NAALADL2: variants seen among roughly 807,000 people sequenced by gnomAD.
NAALADL2 encodes the protein N-acetylated alpha-linked acidic dipeptidase like 2.
Under a neutral mutation model 87.2 loss-of-function variants are expected in NAALADL2, and 76 were observed. The ratio of observed to expected loss-of-function variants is 0.87; its 90% CI spans 0.72 to 1.05. NAALADL2 has a LOEUF of 1.05. NAALADL2 is among the 50% of genes least tolerant of loss of function. The pLI is 0.00. For synonymous variants in NAALADL2, 354 were observed against 331.0 expected (o/e 1.07, Z -0.75); for missense variants, 1,089 against 945.8 (o/e 1.15, Z -1.99).
chr3:174,787,589 A>ATATATATATACATATATATATATATG (rs1716862294), intron 3 of NAALADL2, among the ~76,000 whole-genome samples: 5 of 62,516 alleles, frequency 8.0e-5, no homozygotes, highest in Admixed American at 1.5e-4. Context: ...ATATATATAT[A>ATATATATATACATATATATATATATG]TATATATATA....
At chr3:175,672,680 C>G (rs1440818024) in intron 11 of NAALADL2, among the ~76,000 whole-genome samples, 1 of 152,122 alleles carries the variant, frequency 6.6e-6, no homozygotes, top group Non-Finnish European at 1.5e-5. Context: ...TCAATCAAAA[C>G]GGCAAGGGAC....
intron 2 of NAALADL2, among the ~76,000 whole-genome samples, chr3:175,204,945 G>C (rs1333082984): frequency 2.6e-5 from 4 of 152,118 alleles, no homozygotes; most frequent in Non-Finnish European, 4.4e-5. Context: ...ACTGCTGAAA[G>C]AAATCATAGA....
chr3:174,587,569 T>C (rs1425877069), intron 2 of NAALADL2, among the ~76,000 whole-genome samples: 1 of 152,230 alleles, frequency 6.6e-6, no homozygotes, highest in African/African-American at 2.4e-5. Context: ...AAGGCCTGTC[T>C]GGTGGTGACA....
chr3:174,540,684 C>T (rs1215281740), intron 1 of NAALADL2: 1 of 152,190 alleles, frequency 6.6e-6, no homozygotes, highest in African/African-American at 2.4e-5. Context: ...TACCTCACTT[C>T]ATGCTAACAT....
Position 175,311,964 on chromosome 3 carries a change from T to C in NAALADL2, c.940-12211T>C, listed in dbSNP as rs188043566. ...GTTCAGTGAATTTGAAGAAGAATGA[T>C]GTGATTATGCCTTGGATATACTCAG... On this transcript the variant is annotated intron_variant, in intron 4 of 13. Transcript: ENST00000454872. 5.4e-3 allele frequency among the ~76,000 whole-genome samples: 825 copies of C among 152,310 alleles called. 7 individuals carry two copies. Among genetic ancestry groups the C allele is most frequent in the African/African-American group, 0.019 (801 of 41,576 alleles).
chr3:174,885,212 C>T (rs1216623836), intron 1 of NAALADL2, among the ~76,000 whole-genome samples: 1 of 152,154 alleles, frequency 6.6e-6, no homozygotes, highest in Non-Finnish European at 1.5e-5. Flanking sequence ...TGAGGCTGTG[C>T]ATGCACCTTT....
chr3:174,454,844 A>G (rs59120968), intron 1 of NAALADL2, among the ~76,000 whole-genome samples: 2,178 of 152,216 alleles, frequency 0.014, 49 homozygotes, highest in African/African-American at 0.05. Context: ...CCAAGAGCAA[A>G]CCAACCCCAG....
chr3:175,439,948 T>C (rs754977811), intron 5 of NAALADL2, among the ~76,000 whole-genome samples: 14 of 152,166 alleles, frequency 9.2e-5, no homozygotes, highest in Non-Finnish European at 1.6e-4. Flanking sequence ...TTCTAGGTCA[T>C]GAAGTCTTTG....
At chr3:175,243,531 C>CTTTTTTTTTT (rs3066298) in intron 3 of NAALADL2, among the ~76,000 whole-genome samples, 1 of 85,600 alleles carries the variant, frequency 1.2e-5, no homozygotes, top group African/African-American at 4.4e-5. Context: ...CACATCAGGA[C>CTTTTTTTTTT]TTTTTTTTTT....
chr3:174,799,907 T>A (rs1718606479), intron 3 of NAALADL2, among the ~76,000 whole-genome samples: 1 of 152,092 alleles, frequency 6.6e-6, no homozygotes, highest in South Asian at 2.1e-4. Context: ...CAAAGGTGAC[T>A]CTTGTTATGT....
At chr3:175,418,042 G>A (rs887015000) in intron 5 of NAALADL2, among the ~76,000 whole-genome samples, 9 of 152,058 alleles carry the variant, frequency 5.9e-5, no homozygotes, top group African/African-American at 1.7e-4. Flanking sequence ...AGATAGCTGG[G>A]AATTCTCCAT....
At chr3:175,553,661 A>G (rs951864379) in intron 9 of NAALADL2, among the ~76,000 whole-genome samples, 1 of 151,966 alleles carries the variant, frequency 6.6e-6, no homozygotes, top group Non-Finnish European at 1.5e-5. Flanking sequence ...TAAAAAAAAA[A>G]AAAATTCCAG....
At chr3:174,475,308 A>G (rs1717151685) in intron 1 of NAALADL2, among the ~76,000 whole-genome samples, 1 of 151,996 alleles carries the variant, frequency 6.6e-6, no homozygotes, top group African/African-American at 2.4e-5. Flanking sequence ...AAAGTGAAAG[A>G]AAAAACTATT....
intron 1 of NAALADL2, among the ~76,000 whole-genome samples, chr3:174,925,208 A>C (rs1735822068): frequency 6.6e-6 from 1 of 152,176 alleles, no homozygotes; most frequent in Non-Finnish European, 1.5e-5. Context: ...TTTTAGGTCT[A>C]ACATTTAAAT....
intron 2 of NAALADL2, among the ~76,000 whole-genome samples, chr3:175,178,205 A>C (rs1270036594): frequency 3.9e-5 from 6 of 152,064 alleles, no homozygotes; most frequent in Non-Finnish European, 7.4e-5. Context: ...ATTATTTAAT[A>C]CAAGGTAAGT....
intron 2 of NAALADL2, among the ~76,000 whole-genome samples, chr3:174,636,881 G>A (rs560288401): frequency 6.6e-6 from 1 of 152,224 alleles, no homozygotes; most frequent in African/African-American, 2.4e-5. Flanking sequence ...CATGTTTATT[G>A]CAGCACTATG....
At chr3:174,616,082 C>T (rs1479963868) in intron 2 of NAALADL2, among the ~76,000 whole-genome samples, 10 of 151,770 alleles carry the variant, frequency 6.6e-5, no homozygotes, top group Admixed American at 6.6e-4. Flanking sequence ...TGAAAGAGTA[C>T]CTAATTTGCC....
intron 5 of NAALADL2, among the ~76,000 whole-genome samples, chr3:175,416,348 T>C (rs552577565): frequency 7.9e-5 from 12 of 152,314 alleles, no homozygotes; most frequent in Admixed American, 2.6e-4. Flanking sequence ...AGGTAAGCAC[T>C]AGTTTTTTAA....
At chr3:174,958,004 C>A (rs1326272177) in intron 1 of NAALADL2, among the ~76,000 whole-genome samples, 1 of 151,840 alleles carries the variant, frequency 6.6e-6, no homozygotes, top group Non-Finnish European at 1.5e-5. Context: ...CTTTCTCTGA[C>A]AGATAAAAAA....
Sources: allele counts gnomAD v4.1 joint callset (sites outside exome capture counted in the v4.1 genomes callset), GRCh38; gene constraint gnomAD v4.1.1; transcripts MANE v1.5; gene names NCBI Gene and HGNC (gene_info 2026-07-23, HGNC 2026-07-21).